EYA2: variants seen among roughly 807,000 people sequenced by gnomAD.
EYA2 encodes EYA transcriptional coactivator and phosphatase 2.
EYA2 carries 31 observed loss-of-function variants against 69.2 expected under a neutral mutation model. That is an observed-to-expected ratio of 0.45 (90% CI 0.34 to 0.60). The LOEUF (loss-of-function observed/expected upper bound fraction) is 0.60. Among genes scored for constraint, EYA2 ranks in the 20% least tolerant of loss-of-function variants. The pLI is 0.02. For synonymous variants in EYA2, 257 were observed against 279.4 expected, an observed-to-expected ratio of 0.92 and a Z score of 0.80; for missense variants, 622 against 701.2, an observed-to-expected ratio of 0.89 and a Z score of 1.28.
intron 14 of EYA2, among the ~76,000 whole-genome samples, chr20:47,182,980 G>C (rs1344039424): frequency 3.9e-5 from 6 of 152,182 alleles, no homozygotes; most frequent in African/African-American, 1.4e-4. Context: ...GCATTCAAAT[G>C]GTTGTGCATC....
chr20:47,107,942 G>A (rs538235060), intron 9 of EYA2, among the ~76,000 whole-genome samples: 4 of 151,668 alleles, frequency 2.6e-5, no homozygotes, highest in African/African-American at 9.7e-5. Flanking sequence ...CCTGAAGGAA[G>A]TGGAGGAACA....
intron 9 of EYA2, among the ~76,000 whole-genome samples, chr20:47,100,759 G>A (rs897947517): frequency 6.6e-5 from 10 of 152,250 alleles, no homozygotes; most frequent in Non-Finnish European, 1.3e-4. Context: ...TCGCTAAGGT[G>A]AGGAATGAAT....
chr20:47,009,438 G>T (rs1488727127), intron 4 of EYA2, among the ~76,000 whole-genome samples: 1 of 152,194 alleles, frequency 6.6e-6, no homozygotes, highest in Admixed American at 6.5e-5. Flanking sequence ...GACAGTTAGT[G>T]TATTGAGTAT....
intron 1 of EYA2, chr20:46,979,716 A>T (rs1367823675): frequency 6.6e-6 from 1 of 152,062 alleles, no homozygotes; most frequent in Non-Finnish European, 1.5e-5. Context: ...TGCCCCTCAA[A>T]CCACAATAGG....
intron 4 of EYA2, among the ~76,000 whole-genome samples, chr20:47,006,764 A>G (rs932490517): frequency 1.3e-5 from 2 of 152,110 alleles, no homozygotes; most frequent in Non-Finnish European, 2.9e-5. Flanking sequence ...CAGTTTTGGT[A>G]TCAGGGGTCA....
intron 7 of EYA2, among the ~76,000 whole-genome samples, chr20:47,087,115 C>G (rs1026045722): frequency 7.2e-5 from 11 of 152,198 alleles, no homozygotes; most frequent in Non-Finnish European, 1.3e-4. Context: ...GGAAAACACC[C>G]AGCCATCCTG....
intron 5 of EYA2, among the ~76,000 whole-genome samples, chr20:47,042,408 G>A (rs1985128474): frequency 6.6e-6 from 1 of 152,168 alleles, no homozygotes; most frequent in Admixed American, 6.5e-5. Flanking sequence ...CATCACTGGT[G>A]GTTTCTGTCA....
chr20:47,084,254 A>C (rs1454797712), intron 7 of EYA2, among the ~76,000 whole-genome samples: 1 of 149,824 alleles, frequency 6.7e-6, no homozygotes, highest in Non-Finnish European at 1.5e-5. Flanking sequence ...TCAAAAAAAA[A>C]GGCTGGCTCT....
rs1000598349 is a variant in EYA2 at position 47,072,179 on chromosome 20, C to T, written c.416-6C>T. 1.9e-6 allele frequency: 3 copies of T among 1,612,148 alleles called. No individual in the cohort carries two copies. The highest frequency in any genetic ancestry group is 2.5e-6 in the Non-Finnish European group (3 of 1,178,952). On this transcript the variant is annotated splice_region_variant and splice_polypyrimidine_tract_variant and intron_variant, in intron 5 of 15. Transcript: ENST00000327619. Reference sequence around the variant, plus strand: ...TAACCTGTACCCCTGTTCCTCCTTCCCACAGGCACAACAGGGTTCTATCAA... The same window carrying T: ...TAACCTGTACCCCTGTTCCTCCTTCTCACAGGCACAACAGGGTTCTATCAA...
intron 1 of EYA2, among the ~76,000 whole-genome samples, chr20:46,956,100 C>T (rs6090589): frequency 6.6e-6 from 1 of 152,206 alleles, no homozygotes; most frequent in Non-Finnish European, 1.5e-5. Context: ...TTTTGTGTTC[C>T]TAAACAGATG....
At position 47,165,110 on chromosome 20, in the gene EYA2, A is replaced by G. The variant is rs542461874; in HGVS notation, c.979-4029A>G. ...ACTAAAGAACTGAACCTTTAATGTT[A>G]TTTAACTTTACTGAATTTCAATATA... On this transcript the variant is annotated intron_variant, in intron 10 of 15. Coordinates refer to ENST00000327619, the MANE Select transcript of EYA2 (RefSeq NM_005244.5). Among the ~76,000 whole-genome samples the G allele has an allele frequency of 4.6e-5, 7 of 152,342 alleles. No homozygotes were observed. The South Asian group carries it at 1.4e-3, about 32-fold the overall frequency.
At chr20:47,153,991 T>G (rs1463076313) in intron 10 of EYA2, among the ~76,000 whole-genome samples, 1 of 152,036 alleles carries the variant, frequency 6.6e-6, no homozygotes, top group Non-Finnish European at 1.5e-5. Context: ...TTCACTTTAT[T>G]TAATCCTATT....
chr20:47,185,686 G>A (rs1478285387), intron 15 of EYA2, among the ~76,000 whole-genome samples: 1 of 152,168 alleles, frequency 6.6e-6, no homozygotes, highest in African/African-American at 2.4e-5. Context: ...TGGCCGGGAT[G>A]AGGGCAGGGT....
chr20:47,064,557 T>G (rs564886867), intron 5 of EYA2, among the ~76,000 whole-genome samples: 1 of 152,356 alleles, frequency 6.6e-6, no homozygotes, highest in South Asian at 2.1e-4. Context: ...TGAGGAATCA[T>G]CCAGTGTTTT....
At position 47,130,256 on chromosome 20, in the gene EYA2, A is replaced by ATTTTTTTT. The variant is rs1392782309; in HGVS notation, c.889-12799_889-12798insTTTTTTTT. ...AACGGAAAGAAATAAAAGAAGGTTT[A>ATTTTTTTT]TTTTCTTTTTTTTTTTTTTTTTTTT... On this transcript the variant is annotated intron_variant, in intron 9 of 15. Coordinates refer to ENST00000327619, the MANE Select transcript of EYA2 (RefSeq NM_005244.5). Among the ~76,000 whole-genome samples the ATTTTTTTT allele has an allele frequency of 9.3e-4, 65 of 69,722 alleles. 1 individual carries two copies. The highest frequency in any genetic ancestry group is 3.9e-3 in the African/African-American group (51 of 12,954). 45.7% of individuals were successfully genotyped at this position (69,722 alleles called of 152,430 possible). A position where few individuals can be genotyped will look rare whatever the true frequency, so the allele number is the denominator to read the frequency against.
chr20:47,112,889 T>TTTTTTTTTTTTTA (rs1339901243), intron 9 of EYA2, among the ~76,000 whole-genome samples: 1 of 131,096 alleles, frequency 7.6e-6, no homozygotes, highest in Non-Finnish European at 1.6e-5. Context: ...TTTTTTTTTT[T>TTTTTTTTTTTTTA]GAGACGGAGT....
intron 5 of EYA2, among the ~76,000 whole-genome samples, chr20:47,055,021 G>A (rs1181349270): frequency 6.6e-6 from 1 of 152,110 alleles, no homozygotes; most frequent in Non-Finnish European, 1.5e-5. Flanking sequence ...CCCTCGTGGT[G>A]GCGAAGAGGC....
chr20:46,971,383 C>T (rs1248763680), intron 1 of EYA2, among the ~76,000 whole-genome samples: 1 of 152,236 alleles, frequency 6.6e-6, no homozygotes, highest in African/African-American at 2.4e-5. Context: ...CACTCCATCA[C>T]ATGACGTTCT....
chr20:47,188,196 C>T lies in EYA2; in HGVS notation c.*63C>T. On this transcript the variant is annotated 3_prime_UTR_variant, in exon 16 of 16. Transcript: ENST00000327619. ...AGACCCCCTCGCCTTCCCCACCTCC[C>T]CACCGAGAACTCCAGAGACCCAGAT... 3 of 1,469,394 alleles carry T rather than the reference C, an allele frequency of 2.0e-6. No homozygotes were observed. In the South Asian group the frequency reaches 3.6e-5, roughly 18 times the overall value. The allele number at this position is 1,469,394 out of a possible 1,614,324, so 91.0% of individuals were successfully genotyped here.
Sources: gnomAD v4.1 joint callset for allele counts (sites outside exome capture counted in the v4.1 genomes callset) on GRCh38, gnomAD v4.1.1 for gene constraint, MANE v1.5 for transcripts, NCBI Gene and HGNC (gene_info 2026-07-23, HGNC 2026-07-21) for gene names.